The following ZNF430 variants were observed in gnomAD, a reference collection of about 807,000 sequenced individuals.
ZNF430 encodes the protein zinc finger protein 430.
ZNF430 carries 35 observed loss-of-function variants against 56.7 expected under a neutral mutation model. The observed-to-expected ratio is 0.62, with a 90% confidence interval of 0.47 to 0.82. ZNF430 has a LOEUF of 0.82. ZNF430 is among the 40% of genes least tolerant of loss of function. The probability of loss-of-function intolerance (pLI) is 0.00; values close to 1 mark genes in which losing one functional copy is unlikely to be tolerated. For synonymous variants in ZNF430, 212 were observed against 224.3 expected (o/e 0.94, Z 0.49); for missense variants, 574 against 661.0 (o/e 0.87, Z 1.44).
intron 4 of ZNF430, among the ~76,000 whole-genome samples, chr19:21,052,058 A>G (rs1968293952): frequency 6.6e-6 from 1 of 152,188 alleles, no homozygotes. Context: ...AATATTAATT[A>G]TTTCAACCTT....
intron 1 of ZNF430, among the ~76,000 whole-genome samples, chr19:21,021,263 C>G (rs1967677252): frequency 6.6e-6 from 1 of 152,104 alleles, no homozygotes; most frequent in Non-Finnish European, 1.5e-5. Flanking sequence ...CTTTGGGAGG[C>G]CGAGGCGGGC....
intron 4 of ZNF430, among the ~76,000 whole-genome samples, chr19:21,038,137 A>G (rs1214714088): frequency 1.3e-5 from 2 of 151,930 alleles, no homozygotes; most frequent in Non-Finnish European, 2.9e-5. Flanking sequence ...GACCAATGTC[A>G]TGTCTTCTTT....
At chr19:21,028,807 T>C (rs1392478916) in intron 2 of ZNF430, among the ~76,000 whole-genome samples, 6 of 152,078 alleles carry the variant, frequency 3.9e-5, no homozygotes, top group Non-Finnish European at 5.9e-5. Flanking sequence ...TGCCTCAGCC[T>C]CCCAAATAGC....
At chr19:21,048,820 A>G (rs1968229644) in intron 4 of ZNF430, among the ~76,000 whole-genome samples, 2 of 151,156 alleles carry the variant, frequency 1.3e-5, no homozygotes, top group Admixed American at 1.3e-4. Flanking sequence ...GCTGGCCCCA[A>G]CCTCCCTCCT....
chr19:21,025,452 G>A (rs1298907177), intron 2 of ZNF430, among the ~76,000 whole-genome samples: 3 of 152,062 alleles, frequency 2.0e-5, no homozygotes, highest in Admixed American at 6.5e-5. Flanking sequence ...CCTGTATCTT[G>A]TGCTGAACTC....
At chr19:21,022,763 A>G (rs1207962668) in intron 1 of ZNF430, 26 bp from the exon 2 acceptor site, 2 of 1,484,368 alleles carry the variant, frequency 1.3e-6, no homozygotes, top group Admixed American at 1.7e-5. Flanking sequence ...AGTGGATATC[A>G]GCTTCTGGGT....
At chr19:21,049,090 C>G (rs1024400138) in intron 4 of ZNF430, among the ~76,000 whole-genome samples, 1 of 135,244 alleles carries the variant, frequency 7.4e-6, no homozygotes, top group Non-Finnish European at 1.5e-5. Flanking sequence ...AGGATAATCA[C>G]TTGAACCCAG....
At chr19:21,020,839 A>T (rs2144742837) in intron 1 of ZNF430, 36 bp downstream of exon 1, 2 of 1,613,332 alleles carry the variant, frequency 1.2e-6, no homozygotes, top group South Asian at 2.2e-5. Flanking sequence ...CAGAGAGGGG[A>T]GGGGCTGGTT....
At chr19:21,035,375 TTA>T (rs1465826687) in intron 4 of ZNF430, 2 of 152,236 alleles carry the variant, frequency 1.3e-5, no homozygotes, top group Non-Finnish European at 2.9e-5. Flanking sequence ...TGTGTTAATT[TTA>T]TGTTTTGCTA....
intron 4 of ZNF430, among the ~76,000 whole-genome samples, chr19:21,040,942 A>G (rs910214720): frequency 6.6e-6 from 1 of 152,170 alleles, no homozygotes; most frequent in African/African-American, 2.4e-5. Context: ...GACTTAAAGC[A>G]TATTATATTC....
intron 2 of ZNF430, among the ~76,000 whole-genome samples, chr19:21,028,688 G>T (rs190610502): frequency 3.2e-4 from 48 of 151,720 alleles, no homozygotes; most frequent in Admixed American, 1.1e-3. Context: ...TTTTTTTAGG[G>T]TTTTTTTTCT....
chr19:21,048,489 A>G (rs1008796238), intron 4 of ZNF430, among the ~76,000 whole-genome samples: 2 of 151,988 alleles, frequency 1.3e-5, no homozygotes, highest in African/African-American at 2.4e-5. Flanking sequence ...TTTAGAGAGC[A>G]TGGGGTTGGG....
intron 2 of ZNF430, among the ~76,000 whole-genome samples, chr19:21,030,952 G>A (rs560076754): frequency 3.3e-5 from 5 of 152,072 alleles, no homozygotes; most frequent in Non-Finnish European, 7.4e-5. Context: ...GCATAATCTC[G>A]GCTCAGTGAA....
At chr19:21,050,792 A>G (rs1968270146) in intron 4 of ZNF430, among the ~76,000 whole-genome samples, 1 of 152,006 alleles carries the variant, frequency 6.6e-6, no homozygotes, top group Admixed American at 6.6e-5. Context: ...CTTTGGGAGG[A>G]CAAGGTGGGA....
intron 2 of ZNF430, among the ~76,000 whole-genome samples, chr19:21,032,944 TG>T (rs1418165480): frequency 3.3e-5 from 5 of 152,226 alleles, no homozygotes; most frequent in Admixed American, 6.5e-5. Context: ...TTTTTGTTTA[TG>T]CCCTTAATTT....
Position 21,058,264 on chromosome 19 carries a change from G to C in ZNF430, c.*243G>C. ...GTTCGAGACCAGCCTGACCAACATG[G>C]TGAAATCCTGTCTCTACTAAAAATA... On this transcript the variant is annotated 3_prime_UTR_variant, in exon 5 of 5. Transcript: ENST00000261560. 1 of 459,772 alleles carries C rather than the reference G, an allele frequency of 2.2e-6. No individual in the cohort carries two copies. Among genetic ancestry groups the C allele is most frequent in the Non-Finnish European group, 3.9e-6 (1 of 257,882 alleles). 28.5% of individuals were successfully genotyped at this position (459,772 alleles called of 1,614,324 possible).
rs547932489 is a variant in ZNF430 at position 21,056,453 on chromosome 19, C to T, written c.323-178C>T. Among the ~76,000 whole-genome samples, 6 of 149,916 alleles carry T rather than the reference C, an allele frequency of 4.0e-5. No homozygotes were observed. The South Asian group carries it at 1.3e-3, about 32-fold the overall frequency. Reference sequence around the variant, plus strand: ...GCAGTGAGCAGAGATCACGCCATTGCACTCCATCCTGGGCTACAGAATGAG... The same window carrying T: ...GCAGTGAGCAGAGATCACGCCATTGTACTCCATCCTGGGCTACAGAATGAG... On this transcript the variant is annotated intron_variant, in intron 4 of 4. Coordinates refer to ENST00000261560, the MANE Select transcript of ZNF430 (RefSeq NM_025189.4).
chr19:21,050,382 ACT>A (rs1442479582), intron 4 of ZNF430, among the ~76,000 whole-genome samples: 2 of 152,118 alleles, frequency 1.3e-5, no homozygotes, highest in Admixed American at 6.6e-5. Flanking sequence ...ACAATGTTTA[ACT>A]CTGTACAATT....
intron 4 of ZNF430, chr19:21,034,684 C>T (rs973192572): frequency 6.6e-6 from 1 of 152,438 alleles, no homozygotes; most frequent in Non-Finnish European, 1.5e-5. Flanking sequence ...ATTACAGGCA[C>T]CTGCCACCAT....
Sources: gnomAD v4.1 joint callset for allele counts (sites outside exome capture counted in the v4.1 genomes callset) on GRCh38, gnomAD v4.1.1 for gene constraint, MANE v1.5 for transcripts, NCBI Gene and HGNC (gene_info 2026-07-23, HGNC 2026-07-21) for gene names.